TRIM6: variants seen among roughly 807,000 people sequenced by gnomAD.
The protein encoded by TRIM6 is tripartite motif containing 6.
In TRIM6, 43 loss-of-function variants were observed where a neutral mutation model predicts 51.2. The ratio of observed to expected loss-of-function variants is 0.84; its 90% CI spans 0.66 to 1.08. TRIM6 has a LOEUF of 1.08. TRIM6 is among the 50% of genes least tolerant of loss of function. TRIM6 has a pLI of 0.00. For synonymous variants in TRIM6, 215 were observed against 232.4 expected (o/e 0.93, Z 0.68); for missense variants, 669 against 619.0 (o/e 1.08, Z -0.86).
chr11:5,603,916 A>T (rs772734161), intron 2 of TRIM6, among the ~76,000 whole-genome samples, 181 bp downstream of exon 2: 12 of 152,016 alleles, frequency 7.9e-5, no homozygotes, highest in Non-Finnish European at 1.5e-4. Flanking sequence ...GATTGAGTAG[A>T]TAGAGCTGCT....
rs553656574 is a variant in TRIM6, at chr11:5,597,047, G to T, written c.17+133G>T. On this transcript the variant is annotated intron_variant, in intron 1 of 7. Transcript: ENST00000380097. Reference sequence around the variant, plus strand: ...TTTCTTTTTCTTTCTCACTGCAAATGACCCCACTGAGGTTAGAGACATTTT... The same window carrying T: ...TTTCTTTTTCTTTCTCACTGCAAATTACCCCACTGAGGTTAGAGACATTTT... 13 of 1,457,972 alleles carry T rather than the reference G, an allele frequency of 8.9e-6. No individual in the cohort carries two copies. The East Asian group carries it at 3.0e-4, about 34-fold the overall frequency. 90.3% of individuals were successfully genotyped at this position (1,457,972 alleles called of 1,614,324 possible). A position where few individuals can be genotyped will look rare whatever the true frequency, so the allele number is the denominator to read the frequency against.
intron 1 of TRIM6, among the ~76,000 whole-genome samples, chr11:5,598,418 A>C (rs1000190275): frequency 6.6e-6 from 1 of 152,226 alleles, no homozygotes; most frequent in Non-Finnish European, 1.5e-5. Flanking sequence ...ATGAATATCT[A>C]CAGCGCATAT....
Position 5,596,636 on chromosome 11 carries a change from CAGA to C in TRIM6, c.-259_-257del. ...CCACCCCAGGCGGCCCGACTCCTCC[CAGA>C]AGGAGTTGGGAGATGAGCCTTCCGC... On this transcript the variant is annotated 5_prime_UTR_variant, in exon 1 of 8. Transcript: ENST00000380097. 5 of 414,104 alleles carry C rather than the reference CAGA, an allele frequency of 1.2e-5. No homozygotes were observed. The South Asian group carries it at 1.4e-4, about 12-fold the overall frequency. The allele number at this position is 414,104 out of a possible 1,614,324, so 25.7% of individuals were successfully genotyped here. A position where few individuals can be genotyped will look rare whatever the true frequency, so the allele number is the denominator to read the frequency against.
intron 4 of TRIM6, among the ~76,000 whole-genome samples, chr11:5,607,509 G>T (rs999043597): frequency 6.6e-6 from 1 of 152,066 alleles, no homozygotes; most frequent in African/African-American, 2.4e-5. Context: ...TTTTCTTCGG[G>T]GTCATTGAGA....
chr11:5,598,194 T>C (rs1391777408), intron 1 of TRIM6, among the ~76,000 whole-genome samples: 1 of 152,194 alleles, frequency 6.6e-6, no homozygotes, highest in Non-Finnish European at 1.5e-5. Flanking sequence ...TGGCCTCAGT[T>C]GGAAACTGGC....
rs768143485 is a variant in TRIM6, at chr11:5,611,302, A to G, written c.1511A>G (p.Asn504Ser). ...CTTTGTCCATATTTTAATCCTTGCAACTGTGTAATTCCTATGACCCTGCGT... is the reference window on the plus strand; with the variant it reads ...CTTTGTCCATATTTTAATCCTTGCAGCTGTGTAATTCCTATGACCCTGCGT... The part of the protein sequence containing the change: ...TTLCPYFNPC[N>S]CVIPMTLRRP... Residue 504 changes from asparagine to serine, a missense_variant, in exon 8 of 8, where the codon AAC (asparagine) becomes AGC (serine). By Grantham distance (46) the Asn-to-Ser change is conservative. Transcript: ENST00000380097. The G allele has an allele frequency of 3.1e-6, 5 of 1,614,022 alleles. No homozygotes were observed. The highest frequency in any genetic ancestry group is 3.3e-5 in the Admixed American group (2 of 60,002).
rs747883394 is a variant in TRIM6, at chr11:5,604,534, G to A, written c.508G>A (p.Glu170Lys). 2 of 1,609,226 alleles carry A rather than the reference G, an allele frequency of 1.2e-6. No homozygotes were observed. The change falls in exon 3 of 8, where the codon GAG (glutamate) becomes AAG (lysine). Residue 170 changes from glutamate (E) to lysine (K), a missense_variant and splice_region_variant. Physicochemically the swap from Glu to Lys is moderately conservative, Grantham distance 56. Transcript: ENST00000380097. ...CTTGACCTGATTTGTTTTCTTCAAG[G>A]AGAAGTTTCAGGAGTCTCTAAAGAA... ...LVEEVAQEYQ[E>K]KFQESLKKLK...
chr11:5,604,976 A>C (rs1229128249), intron 3 of TRIM6, among the ~76,000 whole-genome samples: 2 of 152,176 alleles, frequency 1.3e-5, no homozygotes, highest in Non-Finnish European at 2.9e-5. Flanking sequence ...CTTGTGAAGA[A>C]GCCCAGATCT....
intron 1 of TRIM6, among the ~76,000 whole-genome samples, chr11:5,602,406 G>A (rs1847924104): frequency 6.6e-6 from 1 of 151,824 alleles, no homozygotes; most frequent in Non-Finnish European, 1.5e-5. Flanking sequence ...TCACGCCACT[G>A]CACTCCAGCC....
Position 5,612,006 on chromosome 11 carries a change from T to C in TRIM6, c.*664T>C, listed in dbSNP as rs1417575127. ...CTACCTATGTCTTTTCTGTAAATTA[T>C]TGAGACAATTGTGTATCATTTTTGT... On this transcript the variant is annotated 3_prime_UTR_variant, in exon 8 of 8. Coordinates refer to ENST00000380097, the MANE Select transcript of TRIM6 (RefSeq NM_001003818.3). 6.6e-6 allele frequency: 1 copy of C among 152,232 alleles called. No individual in the cohort carries two copies. Among genetic ancestry groups the C allele is most frequent in the East Asian group, 1.9e-4 (1 of 5,200 alleles). The allele number at this position is 152,232 out of a possible 1,614,324, so 9.4% of individuals were successfully genotyped here.
At chr11:5,599,279 ACGCTAAATACAGTTTTG>A (rs1274516466) in intron 1 of TRIM6, among the ~76,000 whole-genome samples, 2 of 152,220 alleles carry the variant, frequency 1.3e-5, no homozygotes, top group African/African-American at 4.8e-5. Context: ...AGAATTGGGT[ACGCTAAATACAGTTTTG>A]CCTGAAATGA....
At chr11:5,605,653 C>A in intron 4 of TRIM6, 86 bp downstream of exon 4, 2 of 1,452,464 alleles carry the variant, frequency 1.4e-6, no homozygotes, top group Non-Finnish European at 1.8e-6. Flanking sequence ...AGACTACCAT[C>A]GTTGCAGGGA....
chr11:5,596,992 C>T, intron 1 of TRIM6, 78 bp downstream of exon 1: 6 of 1,607,350 alleles, frequency 3.7e-6, no homozygotes, highest in Non-Finnish European at 5.1e-6. Flanking sequence ...AGATAAGGTC[C>T]TTTCCCTTTC....
At chr11:5,610,317 T>C (rs1848494438) in intron 6 of TRIM6, 72 bp downstream of exon 6, 18 of 1,603,780 alleles carry the variant, frequency 1.1e-5, no homozygotes, top group Non-Finnish European at 1.4e-5. Context: ...GGATAGAGGC[T>C]ATAGTCGGTA....
Position 5,603,535 on chromosome 11 carries a change from G to T in TRIM6, c.307G>T (p.Ala103Ser). The T allele has an allele frequency of 6.2e-7, 1 of 1,614,066 alleles. No individual in the cohort carries two copies. Among genetic ancestry groups the T allele is most frequent in the South Asian group, 1.1e-5 (1 of 91,074 alleles). Residue 103 changes from alanine to serine, a missense_variant, in exon 2 of 8, where the codon GCC (alanine) becomes TCC (serine). Physicochemically the swap from Ala to Ser is moderately conservative, Grantham distance 99 (BLOSUM62 1). Transcript: ENST00000380097. ...GAACCTGCGGCCTAATCGGCATCTGGCCAACATAGTGAGGCGGCTCAGAGA... is the reference window on the plus strand; with the variant it reads ...GAACCTGCGGCCTAATCGGCATCTGTCCAACATAGTGAGGCGGCTCAGAGA... ...PGNLRPNRHL[A>S]NIVRRLREVV...
At chr11:5,606,097 G>T (rs1393718397) in intron 4 of TRIM6, among the ~76,000 whole-genome samples, 1 of 152,194 alleles carries the variant, frequency 6.6e-6, no homozygotes, top group African/African-American at 2.4e-5. Flanking sequence ...CTGATGCTGT[G>T]TTGGGAATTT....
rs370175547 is a variant in TRIM6, at chr11:5,608,453, A to G, written c.857+59A>G. Reference sequence around the variant, plus strand: ...GGACTGACAAATGATTCCTTTACCCATGATCAGTGGGAAAGGGAAGAAGAA... The same window carrying G: ...GGACTGACAAATGATTCCTTTACCCGTGATCAGTGGGAAAGGGAAGAAGAA... On this transcript the variant is annotated intron_variant, in intron 5 of 7. Transcript: ENST00000380097. 4.3e-4 allele frequency: 696 copies of G among 1,605,522 alleles called. 12 individuals carry two copies. In the South Asian group the frequency reaches 7.1e-3, roughly 16 times the overall value.
intron 4 of TRIM6, among the ~76,000 whole-genome samples, chr11:5,607,208 A>C (rs11038323): frequency 0.19 from 28,934 of 152,158 alleles, 3,059 homozygotes; most frequent in African/African-American, 0.27. Flanking sequence ...CATCTCAAAA[A>C]AAAAAAATAT....
At chr11:5,601,137 A>G (rs926334484) in intron 1 of TRIM6, among the ~76,000 whole-genome samples, 2 of 152,172 alleles carry the variant, frequency 1.3e-5, no homozygotes, top group African/African-American at 2.4e-5. Context: ...GCCCTGGCAA[A>G]ATCCCATCAT....
Sources: allele counts gnomAD v4.1 joint callset (sites outside exome capture counted in the v4.1 genomes callset), GRCh38; gene constraint gnomAD v4.1.1; transcripts MANE v1.5; gene names NCBI Gene and HGNC (gene_info 2026-07-23, HGNC 2026-07-21).